DIP2B: variants seen among roughly 807,000 people sequenced by gnomAD.
The protein encoded by DIP2B is DIP2 acetate--CoA ligase B (putative).
DIP2B carries 76 observed loss-of-function variants against 198.0 expected under a neutral mutation model. That is an observed-to-expected ratio of 0.38 (90% CI 0.32 to 0.46). DIP2B has a LOEUF of 0.46. DIP2B is among the 20% of genes least tolerant of loss of function. The pLI, the probability that DIP2B is intolerant of heterozygous loss-of-function variation, is 0.99. For synonymous variants in DIP2B, 701 were observed against 739.1 expected (o/e 0.95, Z 0.84); for missense variants, 1,559 against 1,978.4 (o/e 0.79, Z 4.02).
chr12:50,509,075 A>G (rs1190318806), intron 1 of DIP2B, among the ~76,000 whole-genome samples: 1 of 152,200 alleles, frequency 6.6e-6, no homozygotes, highest in Non-Finnish European at 1.5e-5. Flanking sequence ...CATTCAGTTC[A>G]GCAGATGTGT....
At chr12:50,581,735 C>G (rs1958726238) in intron 1 of DIP2B, among the ~76,000 whole-genome samples, 3 of 152,130 alleles carry the variant, frequency 2.0e-5, no homozygotes. Flanking sequence ...CACTCAACTC[C>G]TGCTGACTCA....
In DIP2B at chr12:50,747,724, T is replaced by C. The variant is rs1404625210; in HGVS notation, c.*2885T>C. On this transcript the variant is annotated 3_prime_UTR_variant, in exon 38 of 38. Transcript: ENST00000301180. The stretch of plus-strand genomic sequence containing the variant: ...GAACATATTCTGTCTGGGTTTTTAA[T>C]GTCTGTGGAAAAAAACTAAACAAGT... The C allele has an allele frequency of 6.6e-6, 1 of 152,228 alleles. No individual in the cohort carries two copies. The highest frequency in any genetic ancestry group is 2.4e-5 in the African/African-American group (1 of 41,460). 9.4% of individuals were successfully genotyped at this position (152,228 alleles called of 1,614,324 possible). A position where few individuals can be genotyped will look rare whatever the true frequency, so the allele number is the denominator to read the frequency against.
chr12:50,693,071 T>G, intron 14 of DIP2B, 58 bp downstream of exon 14: 1 of 1,502,240 alleles, frequency 6.7e-7, no homozygotes, highest in Non-Finnish European at 9.1e-7. Context: ...AAGGCCAGCA[T>G]GTTGTATAAC....
chr12:50,624,770 ACTC>A (rs1272620396), intron 1 of DIP2B, among the ~76,000 whole-genome samples: 1 of 151,506 alleles, frequency 6.6e-6, no homozygotes, highest in South Asian at 2.1e-4. Flanking sequence ...ACCAACATCT[ACTC>A]CTTCTGGCTT....
rs1957954794 is a variant in DIP2B, at chr12:50,505,139, G to C, written c.-2G>C. On this transcript the variant is annotated 5_prime_UTR_variant, in exon 1 of 38. Coordinates refer to ENST00000301180, the MANE Select transcript of DIP2B (RefSeq NM_173602.3). Reference sequence around the variant, plus strand: ...TTCCGGAGTGTGGCTGGCGGAGCTGGGATGGCGGAACGAGGCCTGGAGCCG... The same window carrying C: ...TTCCGGAGTGTGGCTGGCGGAGCTGCGATGGCGGAACGAGGCCTGGAGCCG... 1 of 1,530,348 alleles carries C rather than the reference G, an allele frequency of 6.5e-7. No homozygotes were observed. Among genetic ancestry groups the C allele is most frequent in the Non-Finnish European group, 8.7e-7 (1 of 1,143,650 alleles). 94.8% of individuals were successfully genotyped at this position (1,530,348 alleles called of 1,614,324 possible). A position where few individuals can be genotyped will look rare whatever the true frequency, so the allele number is the denominator to read the frequency against.
chr12:50,523,273 G>A (rs1406595842), intron 1 of DIP2B, among the ~76,000 whole-genome samples: 1 of 151,974 alleles, frequency 6.6e-6, no homozygotes, highest in African/African-American at 2.4e-5. Context: ...TTATATACTT[G>A]TATAGTACCT....
At chr12:50,642,217 A>T (rs1224320004) in intron 3 of DIP2B, among the ~76,000 whole-genome samples, 3 of 152,186 alleles carry the variant, frequency 2.0e-5, no homozygotes, top group African/African-American at 7.2e-5. Flanking sequence ...ATCCAAGCTG[A>T]GTCATGGCAG....
intron 2 of DIP2B, among the ~76,000 whole-genome samples, chr12:50,634,247 C>T (rs1349371194): frequency 6.6e-6 from 1 of 152,156 alleles, no homozygotes; most frequent in Non-Finnish European, 1.5e-5. Flanking sequence ...ATTGAAGTTT[C>T]AGACCACACG....
chr12:50,578,536 C>G (rs12425362), intron 1 of DIP2B, among the ~76,000 whole-genome samples: 43,451 of 128,752 alleles, frequency 0.34, 7,045 homozygotes, highest in Middle Eastern at 0.45. Flanking sequence ...GAGACGGAGT[C>G]TCGCTCTGTG....
chr12:50,559,890 G>A lies in DIP2B; in HGVS notation c.100+54650G>A, dbSNP rs148043326. ...GTAGCACACCAAATTTAATACAACCGTTGTTCTTGTGTGCCTGTGTACAAG... is the reference window on the plus strand; with the variant it reads ...GTAGCACACCAAATTTAATACAACCATTGTTCTTGTGTGCCTGTGTACAAG... On this transcript the variant is annotated intron_variant, in intron 1 of 37. Transcript: ENST00000301180. Among the ~76,000 whole-genome samples the A allele has an allele frequency of 3.9e-3, 596 of 152,226 alleles. 4 individuals are homozygous for A. The highest frequency in any genetic ancestry group is 6.7e-3 in the Non-Finnish European group (453 of 68,020).
At chr12:50,578,504 CTTTT>C (rs62685162) in intron 1 of DIP2B, among the ~76,000 whole-genome samples, 1 of 111,600 alleles carries the variant, frequency 9.0e-6, no homozygotes. Context: ...GTTATTTGCT[CTTTT>C]TTTTTTTTTT....
chr12:50,742,224 C>T (rs1474001979), intron 37 of DIP2B, among the ~76,000 whole-genome samples: 7 of 151,404 alleles, frequency 4.6e-5, no homozygotes, highest in Non-Finnish European at 8.8e-5. Flanking sequence ...ATGGTAAAAC[C>T]CCATCTCTAC....
chr12:50,631,664 C>T (rs1206115884), intron 2 of DIP2B, among the ~76,000 whole-genome samples: 3 of 151,992 alleles, frequency 2.0e-5, no homozygotes, highest in Non-Finnish European at 2.9e-5. Context: ...AACTCTTGGC[C>T]TCAACTGATC....
At chr12:50,563,940 C>T (rs1010088529) in intron 1 of DIP2B, among the ~76,000 whole-genome samples, 1 of 152,106 alleles carries the variant, frequency 6.6e-6, no homozygotes, top group African/African-American at 2.4e-5. Context: ...CATTTCATAA[C>T]ATAGCATCAG....
chr12:50,742,270 G>A lies in DIP2B; in HGVS notation c.4478+731G>A, dbSNP rs538298004. On this transcript the variant is annotated intron_variant, in intron 37 of 37. Transcript: ENST00000301180. ...AAAAAATAGCCAGGTGTGGTGGCAT[G>A]CCTGTAGTCCCAGCTACTCAGGAGG... Among the ~76,000 whole-genome samples, 158 of 151,804 alleles carry A rather than the reference G, an allele frequency of 1.0e-3. 2 individuals carry two copies. Among genetic ancestry groups the A allele is most frequent in the African/African-American group, 3.6e-3 (148 of 41,370 alleles).
At chr12:50,674,884 G>A (rs1310179017) in intron 6 of DIP2B, among the ~76,000 whole-genome samples, 2 of 152,342 alleles carry the variant, frequency 1.3e-5, no homozygotes, top group East Asian at 1.9e-4. Flanking sequence ...ATAACAGAGG[G>A]CCGGGCACGG....
chr12:50,593,281 C>A (rs1051593768), intron 1 of DIP2B, among the ~76,000 whole-genome samples: 1 of 151,992 alleles, frequency 6.6e-6, no homozygotes, highest in Non-Finnish European at 1.5e-5. Context: ...CCAAGGTGGG[C>A]GGATCACGAG....
At chr12:50,683,717 A>G (rs1027100179) in intron 10 of DIP2B, among the ~76,000 whole-genome samples, 3 of 152,128 alleles carry the variant, frequency 2.0e-5, no homozygotes, top group Non-Finnish European at 4.4e-5. Flanking sequence ...CTAGAGGTGG[A>G]GCTTGCAGTT....
At position 50,676,396 on chromosome 12, in the gene DIP2B, G is replaced by C. The variant is rs143029810; in HGVS notation, c.916+948G>C. Among the ~76,000 whole-genome samples the C allele has an allele frequency of 1.2e-3, 181 of 152,308 alleles. 2 individuals are homozygous for C. Among genetic ancestry groups the C allele is most frequent in the Non-Finnish European group, 3.7e-4 (25 of 68,028 alleles). ...TGGTCTTAGCCCAATTTATACCGCAGAAAGCAACCTGACATATGAGGTTAA... is the reference window on the plus strand; with the variant it reads ...TGGTCTTAGCCCAATTTATACCGCACAAAGCAACCTGACATATGAGGTTAA... On this transcript the variant is annotated intron_variant, in intron 7 of 37. Transcript: ENST00000301180.
Sources: allele counts gnomAD v4.1 joint callset (sites outside exome capture counted in the v4.1 genomes callset), GRCh38; gene constraint gnomAD v4.1.1; transcripts MANE v1.5; gene names NCBI Gene and HGNC (gene_info 2026-07-23, HGNC 2026-07-21).